Variants in NBAS observed in about 807,000 individuals in gnomAD.
The protein encoded by NBAS is NBAS subunit of NRZ tethering complex.
In NBAS, 219 loss-of-function variants were observed where a neutral mutation model predicts 302.5. That is an observed-to-expected ratio of 0.72 (90% CI 0.65 to 0.81). The LOEUF (loss-of-function observed/expected upper bound fraction) is 0.81, where lower values mean the gene tolerates loss of function less well. NBAS is among the 30% of genes least tolerant of loss of function. NBAS has a pLI of 0.00. For missense variants in NBAS, 2,932 were observed against 2,841.6 expected (o/e 1.03, Z -0.72); for synonymous variants, 1,118 against 1,021.6 (o/e 1.09, Z -1.80).
chr2:15,406,170 C>T (rs933684140), intron 25 of NBAS, among the ~76,000 whole-genome samples: 5 of 146,240 alleles, frequency 3.4e-5, no homozygotes, highest in Non-Finnish European at 1.5e-5. Context: ...CCTCCTCAGA[C>T]ATTAAAACAC....
At chr2:14,818,202 G>A in the NBAS span, among the ~76,000 whole-genome samples, 7 of 152,010 alleles carry the variant, frequency 4.6e-5, no homozygotes, top group Admixed American at 1.3e-4. Context: ...CTCCTACTTC[G>A]TGTCCAATAT....
At chr2:15,143,224 T>C in the NBAS span, among the ~76,000 whole-genome samples, 2 of 152,146 alleles carry the variant, frequency 1.3e-5, no homozygotes, top group South Asian at 2.1e-4. Flanking sequence ...CAAACAACCC[T>C]GTGAAATCGA....
the NBAS span, among the ~76,000 whole-genome samples, chr2:14,814,380 C>T: frequency 7.9e-5 from 12 of 152,172 alleles, no homozygotes; most frequent in Non-Finnish European, 1.5e-4. Flanking sequence ...CTCTGTAGAT[C>T]CACAGGGGCA....
In NBAS at chr2:15,313,625, C is replaced by G. The variant is rs1194333030; in HGVS notation, c.4583-4378G>C. ...CTAGAAGTGGAGCTACTGGGTCAAACAACACATGCAACTGCAATTTTCATT... is the reference window on the plus strand; with the variant it reads ...CTAGAAGTGGAGCTACTGGGTCAAAGAACACATGCAACTGCAATTTTCATT... On this transcript the variant is annotated intron_variant, in intron 38 of 51. Transcript: ENST00000281513. Among the ~76,000 whole-genome samples, 4 of 152,212 alleles carry G rather than the reference C, an allele frequency of 2.6e-5. No homozygotes were observed. In the East Asian group the frequency reaches 7.7e-4, roughly 29 times the overall value.
chr2:14,924,334 T>G, the NBAS span, among the ~76,000 whole-genome samples: 1 of 152,238 alleles, frequency 6.6e-6, no homozygotes, highest in Non-Finnish European at 1.5e-5. Flanking sequence ...TTGGTGCTCA[T>G]TTGAAAGTCT....
the NBAS span, among the ~76,000 whole-genome samples, chr2:14,835,221 A>G: frequency 3.9e-5 from 6 of 152,088 alleles, no homozygotes; most frequent in Non-Finnish European, 7.4e-5. Flanking sequence ...TGAAGTGCCA[A>G]TGGAACTATC....
chr2:15,469,375 G>A lies in NBAS; in HGVS notation c.1726-842C>T, dbSNP rs539897786. Among the ~76,000 whole-genome samples, 14 of 152,278 alleles carry A rather than the reference G, an allele frequency of 9.2e-5. No individual in the cohort carries two copies. In the East Asian group the frequency reaches 2.7e-3, roughly 29 times the overall value. On this transcript the variant is annotated intron_variant, in intron 16 of 51. Transcript: ENST00000281513. ...TTTCCCTCTACACACTGCTTTAAAT[G>A]TGTCCCAGAGATTCTGGTATGTTGT...
At chr2:15,419,948 A>G (rs939735688) in intron 23 of NBAS, among the ~76,000 whole-genome samples, 1 of 152,048 alleles carries the variant, frequency 6.6e-6, no homozygotes, top group Admixed American at 6.6e-5. Context: ...TCCTGACCTC[A>G]TGATTCGCCT....
chr2:14,873,172 T>C, the NBAS span, among the ~76,000 whole-genome samples: 10 of 152,134 alleles, frequency 6.6e-5, no homozygotes, highest in African/African-American at 2.4e-4. Context: ...GATTGGCCCA[T>C]TTTACAGAGA....
intron 9 of NBAS, among the ~76,000 whole-genome samples, chr2:15,527,099 GAAA>G (rs55822372): frequency 9.5e-5 from 13 of 137,470 alleles, no homozygotes; most frequent in African/African-American, 3.1e-4. Flanking sequence ...AGGGACAAGA[GAAA>G]AAAAAAAAAC....
the NBAS span, among the ~76,000 whole-genome samples, chr2:15,155,216 T>A: frequency 6.6e-6 from 1 of 152,218 alleles, no homozygotes; most frequent in Non-Finnish European, 1.5e-5. Flanking sequence ...TGAAAATCTT[T>A]ACCTCTTGTA....
chr2:15,025,973 T>C, the NBAS span, among the ~76,000 whole-genome samples: 2 of 152,190 alleles, frequency 1.3e-5, no homozygotes. Flanking sequence ...CTTGCCTGAT[T>C]GCTCTGGCCA....
Position 15,229,347 on chromosome 2 carries a change from C to CAAAAAAAAAAAAAAAAAAAAAAAAA in NBAS, c.6236+3050_6236+3074dup, listed in dbSNP as rs61152926. ...CACTGCAAGACTCTGTCTCAAAAAA[C>CAAAAAAAAAAAAAAAAAAAAAAAAA]AAAAAAAAAAAAAAAAAAAAAAAAA... On this transcript the variant is annotated intron_variant, in intron 47 of 51. Transcript: ENST00000281513. 5.2e-5 allele frequency among the ~76,000 whole-genome samples: 4 copies of CAAAAAAAAAAAAAAAAAAAAAAAAA among 76,870 alleles called. 1 individual carries two copies. The highest frequency in any genetic ancestry group is 8.1e-5 in the Non-Finnish European group (3 of 37,182). The allele number at this position is 76,870 out of a possible 152,430, so 50.4% of individuals were successfully genotyped here.
At position 15,424,283 on chromosome 2, in the gene NBAS, A is replaced by T. The variant is rs184065841; in HGVS notation, c.2577+32T>A. The T allele has an allele frequency of 3.1e-6, 5 of 1,613,352 alleles. No individual in the cohort carries two copies. The Admixed American group carries it at 5.0e-5, about 16-fold the overall frequency. Reference sequence around the variant, plus strand: ...AAGGATCCAAGGCAGTTCCACTAACATTACTGAGCAGCAGCTGCCATTTCC... The same window carrying T: ...AAGGATCCAAGGCAGTTCCACTAACTTTACTGAGCAGCAGCTGCCATTTCC... On this transcript the variant is annotated intron_variant, in intron 23 of 51. Coordinates refer to ENST00000281513, the MANE Select transcript of NBAS (RefSeq NM_015909.4).
At chr2:15,286,926 T>C (rs1300826008) in intron 42 of NBAS, 147 bp downstream of exon 42, 4 of 656,316 alleles carry the variant, frequency 6.1e-6, no homozygotes, top group East Asian at 2.8e-5. Flanking sequence ...GTATCAAAGA[T>C]GTATAAGGAA....
intron 9 of NBAS, among the ~76,000 whole-genome samples, chr2:15,517,461 G>C (rs1029216758): frequency 6.6e-6 from 1 of 152,124 alleles, no homozygotes; most frequent in Non-Finnish European, 1.5e-5. Context: ...AGGGAAGAAA[G>C]TGAGACAAAA....
the NBAS span, among the ~76,000 whole-genome samples, chr2:14,800,791 G>T: frequency 0.39 from 53,364 of 135,922 alleles, 10,633 homozygotes; most frequent in African/African-American, 0.5. Context: ...AATTGTTTTT[G>T]TTTTTTTTTT....
At chr2:15,098,590 A>ATATATTG in the NBAS span, among the ~76,000 whole-genome samples, 1 of 115,974 alleles carries the variant, frequency 8.6e-6, no homozygotes, top group Non-Finnish European at 1.6e-5. Context: ...ATTATATATT[A>ATATATTG]TATATATTAT....
chr2:15,035,059 A>G, the NBAS span, among the ~76,000 whole-genome samples: 1 of 151,500 alleles, frequency 6.6e-6, no homozygotes, highest in South Asian at 2.1e-4. Context: ...AGTATTTCAT[A>G]GTATGTTGCA....
Sources: gnomAD v4.1 joint callset for allele counts (sites outside exome capture counted in the v4.1 genomes callset) on GRCh38, gnomAD v4.1.1 for gene constraint, MANE v1.5 for transcripts, NCBI Gene and HGNC (gene_info 2026-07-23, HGNC 2026-07-21) for gene names.